Variants in PTPRD observed in about 807,000 individuals in gnomAD.
The protein encoded by PTPRD is receptor-type tyrosine-protein phosphatase delta.
A neutral mutation model predicts 214.5 loss-of-function variants in PTPRD; 34 were observed. The ratio of observed to expected loss-of-function variants is 0.16; its 90% CI spans 0.12 to 0.21. The LOEUF (loss-of-function observed/expected upper bound fraction) is 0.21. Ranked by LOEUF, PTPRD falls within the 10% of genes least tolerant of loss-of-function variation. The pLI, the probability that PTPRD is intolerant of heterozygous loss-of-function variation, is 1.00. For missense variants in PTPRD, 2,545 were observed against 2,398.7 expected (o/e 1.06, Z -1.27); for synonymous variants, 1,128 against 845.7 (o/e 1.33, Z -5.79).
At chr9:10,089,339 A>C (rs1168330122) in intron 3 of PTPRD, among the ~76,000 whole-genome samples, 2 of 151,678 alleles carry the variant, frequency 1.3e-5, no homozygotes, top group East Asian at 3.9e-4. Context: ...TGATAATACA[A>C]GTTAGTAATG....
chr9:8,428,865 C>T (rs139852242), intron 35 of PTPRD, among the ~76,000 whole-genome samples: 1 of 152,194 alleles, frequency 6.6e-6, no homozygotes, highest in Admixed American at 6.5e-5. Context: ...AATGATGGTT[C>T]TGCGCCTGTG....
At chr9:10,515,782 T>G (rs2133980640) in intron 2 of PTPRD, among the ~76,000 whole-genome samples, 1 of 152,080 alleles carries the variant, frequency 6.6e-6, no homozygotes, top group Non-Finnish European at 1.5e-5. Context: ...ACCATGCTAC[T>G]CACTGCTTCT....
intron 11 of PTPRD, among the ~76,000 whole-genome samples, chr9:8,925,323 G>C (rs1036415722): frequency 6.6e-6 from 1 of 151,982 alleles, no homozygotes; most frequent in Non-Finnish European, 1.5e-5. Context: ...ATGGCTCCGA[G>C]GCAGGGGATG....
intron 3 of PTPRD, among the ~76,000 whole-genome samples, chr9:10,062,694 T>C (rs1395390470): frequency 1.4e-5 from 2 of 139,484 alleles, no homozygotes; most frequent in Admixed American, 1.3e-4. Flanking sequence ...GTACCCTACT[T>C]AGGAAAGTAA....
intron 2 of PTPRD, among the ~76,000 whole-genome samples, chr9:10,489,347 T>C (rs1290496935): frequency 6.6e-6 from 1 of 152,106 alleles, no homozygotes; most frequent in Admixed American, 6.5e-5. Context: ...AAACAAAGTC[T>C]TCACCACCTT....
intron 9 of PTPRD, among the ~76,000 whole-genome samples, chr9:9,389,276 C>T (rs1374611687): frequency 3.3e-5 from 5 of 152,106 alleles, no homozygotes; most frequent in Non-Finnish European, 7.4e-5. Context: ...CTTGGGAGGC[C>T]GAGGCAGGTG....
chr9:10,462,338 A>G (rs889447814), intron 2 of PTPRD, among the ~76,000 whole-genome samples: 4 of 152,184 alleles, frequency 2.6e-5, no homozygotes, highest in Admixed American at 2.0e-4. Flanking sequence ...TATAATCTGC[A>G]AATGAGTCTA....
At chr9:10,610,931 A>G (rs2080817150) in intron 2 of PTPRD, among the ~76,000 whole-genome samples, 1 of 152,136 alleles carries the variant, frequency 6.6e-6, no homozygotes, top group African/African-American at 2.4e-5. Flanking sequence ...TCTAAAACCA[A>G]TCCCCCATGA....
chr9:8,764,335 G>C (rs942182104), intron 11 of PTPRD, among the ~76,000 whole-genome samples: 26 of 152,114 alleles, frequency 1.7e-4, no homozygotes, highest in African/African-American at 5.6e-4. Context: ...ATACAGAAAG[G>C]CCTCTTCATT....
intron 14 of PTPRD, among the ~76,000 whole-genome samples, chr9:8,559,326 G>A (rs935637768): frequency 7.9e-5 from 12 of 152,202 alleles, no homozygotes; most frequent in African/African-American, 2.9e-4. Flanking sequence ...TAATTTTATT[G>A]TACATTATAT....
At position 9,927,691 on chromosome 9, in the gene PTPRD, ATATC is replaced by A. The variant is rs201190950; in HGVS notation, c.-368+10812_-368+10815del. 4.8e-3 allele frequency among the ~76,000 whole-genome samples: 736 copies of A among 152,250 alleles called. 5 individuals are homozygous for A. The highest frequency in any genetic ancestry group is 0.017 in the African/African-American group (686 of 41,542). ...TGGATAAATTACAAGTATATTATTAATATCTATCTATTTTTCCCATACATCTAAT... is the reference window on the plus strand; with the variant it reads ...TGGATAAATTACAAGTATATTATTAATATCTATTTTTCCCATACATCTAAT... On this transcript the variant is annotated intron_variant, in intron 5 of 45. Transcript: ENST00000381196.
Position 10,116,340 on chromosome 9 carries a change from A to T in PTPRD, c.-544-82550T>A, listed in dbSNP as rs1471301743. ...GACAAATGGTTATTAACTTTGAATT[A>T]GTTCAGGGGGTCACTTAATTGATTA... is the stretch of plus-strand genomic sequence containing the variant. On this transcript the variant is annotated intron_variant, in intron 3 of 45. Coordinates refer to ENST00000381196, the MANE Select transcript of PTPRD (RefSeq NM_002839.4). Among the ~76,000 whole-genome samples, 4 of 152,224 alleles carry T rather than the reference A, an allele frequency of 2.6e-5. No individual in the cohort carries two copies. The East Asian group carries it at 7.7e-4, about 29-fold the overall frequency.
At chr9:9,295,051 T>G (rs1255619809) in intron 9 of PTPRD, among the ~76,000 whole-genome samples, 1 of 151,744 alleles carries the variant, frequency 6.6e-6, no homozygotes, top group African/African-American at 2.4e-5. Flanking sequence ...TTTTTAAAAT[T>G]ATCTTAACCC....
Position 10,559,102 on chromosome 9 carries a change from G to A in PTPRD, c.-600+53296C>T, listed in dbSNP as rs10959167. 3.4e-3 allele frequency among the ~76,000 whole-genome samples: 520 copies of A among 152,142 alleles called. 15 individuals are homozygous for A. In the East Asian group the frequency reaches 0.074, roughly 22 times the overall value. The stretch of plus-strand genomic sequence containing the variant: ...CAAATGTAATATGAGTTAAATACAG[G>A]ACTTAGAAAATAGAAAAACATGAAG... On this transcript the variant is annotated intron_variant, in intron 2 of 45. Transcript: ENST00000381196.
rs58597286 is a variant in PTPRD, at chr9:9,802,654, A to T, written c.-367-35803T>A. ...CAGGATGCTAGGAACGTTTTTTTTT[A>T]AAAAAAATTCAACTCTCCATACCCA... On this transcript the variant is annotated intron_variant, in intron 5 of 45. Coordinates refer to ENST00000381196, the MANE Select transcript of PTPRD (RefSeq NM_002839.4). Among the ~76,000 whole-genome samples, 1,027 of 128,626 alleles carry T rather than the reference A, an allele frequency of 8.0e-3. 4 individuals are homozygous for T. Among genetic ancestry groups the T allele is most frequent in the African/African-American group, 0.015 (423 of 28,646 alleles). The allele number at this position is 128,626 out of a possible 152,430, so 84.4% of individuals were successfully genotyped here.
chr9:10,581,375 C>T (rs1419874624), intron 2 of PTPRD, among the ~76,000 whole-genome samples: 1 of 152,128 alleles, frequency 6.6e-6, no homozygotes, highest in Non-Finnish European at 1.5e-5. Context: ...TGAAAGGAGA[C>T]TGACAAGTTT....
intron 11 of PTPRD, among the ~76,000 whole-genome samples, chr9:8,991,384 G>A (rs1193569699): frequency 6.6e-6 from 1 of 151,768 alleles, no homozygotes; most frequent in Non-Finnish European, 1.5e-5. Context: ...CCTTGTAATG[G>A]GTAAGACTTT....
intron 34 of PTPRD, among the ~76,000 whole-genome samples, chr9:8,445,742 T>G (rs1025967614): frequency 6.6e-6 from 1 of 152,194 alleles, no homozygotes; most frequent in African/African-American, 2.4e-5. Flanking sequence ...CAGCAATCGG[T>G]TAAGTCACAA....
chr9:9,945,568 T>C (rs1274224382), intron 4 of PTPRD, among the ~76,000 whole-genome samples: 3 of 152,146 alleles, frequency 2.0e-5, no homozygotes, highest in African/African-American at 4.8e-5. Context: ...GGCAGTTAAG[T>C]AATGCAAGTT....
Sources: allele counts gnomAD v4.1 joint callset (sites outside exome capture counted in the v4.1 genomes callset), GRCh38; gene constraint gnomAD v4.1.1; transcripts MANE v1.5; gene names NCBI Gene and HGNC (gene_info 2026-07-23, HGNC 2026-07-21).